The following PPP1R3B variants were observed in gnomAD, a reference collection of about 807,000 sequenced individuals.
PPP1R3B encodes PP1 subunit R4.
In PPP1R3B, 8 loss-of-function variants were observed where a neutral mutation model predicts 14.6. The ratio of observed to expected loss-of-function variants is 0.55; its 90% CI spans 0.32 to 0.99. PPP1R3B has a LOEUF of 0.99. Ranked by LOEUF, PPP1R3B falls within the 50% of genes least tolerant of loss-of-function variation. PPP1R3B has a pLI of 0.04. For synonymous variants in PPP1R3B, 169 were observed against 142.0 expected, an observed-to-expected ratio of 1.19 and a Z score of -1.35; for missense variants, 452 against 360.1, an observed-to-expected ratio of 1.26 and a Z score of -2.07.
In PPP1R3B at chr8:9,137,626, CTGTT is replaced by C. The variant is rs1378523961; in HGVS notation, c.*3164_*3167del. On this transcript the variant is annotated 3_prime_UTR_variant, in exon 2 of 2. Coordinates refer to ENST00000310455, the MANE Select transcript of PPP1R3B (RefSeq NM_024607.4). ...CAGAACTGGGCCAAAAGGAAGAAGA[CTGTT>C]TGCGGCAGGAGGGTAGCAGAGGAGC... is the stretch of plus-strand genomic sequence containing the variant. 1 of 152,466 alleles carries C rather than the reference CTGTT, an allele frequency of 6.6e-6. No homozygotes were observed. Among genetic ancestry groups the C allele is most frequent in the African/African-American group, 2.4e-5 (1 of 41,474 alleles). The allele number at this position is 152,466 out of a possible 1,614,324, so 9.4% of individuals were successfully genotyped here.
upstream of PPP1R3B, among the ~76,000 whole-genome samples, chr8:9,150,945 C>G (rs1008705362): frequency 7.2e-5 from 11 of 152,218 alleles, no homozygotes; most frequent in Admixed American, 5.2e-4. Context: ...GCGGCTTGTC[C>G]TTAAGCTCCA....
At chr8:9,151,429 ACGG>A (rs1563131264), upstream of PPP1R3B, 1 of 162,836 alleles carries the variant, frequency 6.1e-6, no homozygotes, top group Non-Finnish European at 1.3e-5. Flanking sequence ...AGCTGCCGTG[ACGG>A]CAGGAGCTGG....
In PPP1R3B at chr8:9,141,616, G is replaced by A. The variant is rs949576337; in HGVS notation, c.36C>T (p.Cys12=). ...TCTCTTGGCGCAAGGAAGGAGCCAT[G>A]CAGTTGTATCTGTACTCGATGTCCA... ...MAVDIEYRYN[C]MAPSLRQERF... The change falls in exon 2 of 2, where the codon TGC becomes TGT. Residue 12 remains cysteine (C), a synonymous_variant. Transcript: ENST00000310455. 10 of 1,613,852 alleles carry A rather than the reference G, an allele frequency of 6.2e-6. No individual in the cohort carries two copies. Among genetic ancestry groups the A allele is most frequent in the Non-Finnish European group, 8.5e-6 (10 of 1,180,030 alleles).
chr8:9,151,061 C>T (rs1801414747), upstream of PPP1R3B, among the ~76,000 whole-genome samples: 1 of 152,164 alleles, frequency 6.6e-6, no homozygotes, highest in Admixed American at 6.5e-5. Flanking sequence ...AGGGATCAGC[C>T]GCCGCAGCCG....
chr8:9,148,829 T>C (rs568336219), intron 1 of PPP1R3B, among the ~76,000 whole-genome samples: 1 of 152,306 alleles, frequency 6.6e-6, no homozygotes, highest in South Asian at 2.1e-4. Flanking sequence ...AAATCTTTTT[T>C]GTATCAGGGC....
chr8:9,140,419 G>A lies in PPP1R3B; in HGVS notation c.*375C>T. On this transcript the variant is annotated 3_prime_UTR_variant, in exon 2 of 2. Coordinates refer to ENST00000310455, the MANE Select transcript of PPP1R3B (RefSeq NM_024607.4). The stretch of plus-strand genomic sequence containing the variant: ...GGTCTCACGCGAGGTGGCTGGGGCT[G>A]AGTGGCTTTTGGCGACTGATGTCCC... The A allele has an allele frequency of 3.9e-6, 1 of 256,264 alleles. No homozygotes were observed. Among genetic ancestry groups the A allele is most frequent in the South Asian group, 6.2e-5 (1 of 16,048 alleles). The allele number at this position is 256,264 out of a possible 1,614,324, so 15.9% of individuals were successfully genotyped here. A position where few individuals can be genotyped will look rare whatever the true frequency, so the allele number is the denominator to read the frequency against.
chr8:9,138,245 T>A lies in PPP1R3B; in HGVS notation c.*2549A>T, dbSNP rs330910. On this transcript the variant is annotated 3_prime_UTR_variant, in exon 2 of 2. Coordinates refer to ENST00000310455, the MANE Select transcript of PPP1R3B (RefSeq NM_024607.4). ...TTTATAACATTTAAAGTACTGTCTG[T>A]TACCCGATGTCTGGTATGTTTACAT... The A allele has an allele frequency of 0.34, 51,469 of 152,060 alleles. 9,498 individuals carry two copies. The highest frequency in any genetic ancestry group is 0.76 in the East Asian group (3,893 of 5,156). The allele number at this position is 152,060 out of a possible 1,614,324, so 9.4% of individuals were successfully genotyped here.
intron 1 of PPP1R3B, among the ~76,000 whole-genome samples, chr8:9,148,408 G>A (rs545877816): frequency 1.3e-5 from 2 of 152,296 alleles, no homozygotes; most frequent in Middle Eastern, 3.4e-3. Flanking sequence ...AGAACCAGAA[G>A]TTATGGACAT....
In PPP1R3B at chr8:9,136,415, C is replaced by T. The variant is rs754724171; in HGVS notation, c.*4379G>A. The T allele has an allele frequency of 7.9e-5, 12 of 152,182 alleles. No individual in the cohort carries two copies. Among genetic ancestry groups the T allele is most frequent in the Non-Finnish European group, 1.5e-4 (10 of 68,032 alleles). 9.4% of individuals were successfully genotyped at this position (152,182 alleles called of 1,614,324 possible). On this transcript the variant is annotated 3_prime_UTR_variant, in exon 2 of 2. Transcript: ENST00000310455. ...TTTAAAACATGCAAAAATTTCTTGACAAGGCACTTTTAGGTATAAAATGAA... is the reference window on the plus strand; with the variant it reads ...TTTAAAACATGCAAAAATTTCTTGATAAGGCACTTTTAGGTATAAAATGAA...
At chr8:9,146,610 C>A (rs917219929) in intron 1 of PPP1R3B, among the ~76,000 whole-genome samples, 1 of 152,190 alleles carries the variant, frequency 6.6e-6, no homozygotes, top group Non-Finnish European at 1.5e-5. Flanking sequence ...CAGAGAAATA[C>A]ACATATTCGG....
chr8:9,147,453 C>T (rs1181306196), intron 1 of PPP1R3B, among the ~76,000 whole-genome samples: 1 of 152,144 alleles, frequency 6.6e-6, no homozygotes, highest in Non-Finnish European at 1.5e-5. Context: ...CACAGGTTAT[C>T]TGCAAGTTCT....
At chr8:9,145,756 T>C (rs891862307) in intron 1 of PPP1R3B, among the ~76,000 whole-genome samples, 2 of 152,254 alleles carry the variant, frequency 1.3e-5, no homozygotes, top group African/African-American at 4.8e-5. Context: ...GTTTGTATTA[T>C]ATCTTCTAAA....
At position 9,139,252 on chromosome 8, in the gene PPP1R3B, G is replaced by C. The variant is rs1800990187; in HGVS notation, c.*1542C>G. 1 of 152,136 alleles carries C rather than the reference G, an allele frequency of 6.6e-6. No individual in the cohort carries two copies. Among genetic ancestry groups the C allele is most frequent in the African/African-American group, 2.4e-5 (1 of 41,422 alleles). 9.4% of individuals were successfully genotyped at this position (152,136 alleles called of 1,614,324 possible). On this transcript the variant is annotated 3_prime_UTR_variant, in exon 2 of 2. Transcript: ENST00000310455. ...TCTTTTACAACAGCACTAACCAACA[G>C]ACTTTAGTCCAATATGGTTAAGAAC...
At position 9,141,646 on chromosome 8, in the gene PPP1R3B, C is replaced by T. The variant is rs1173181186; in HGVS notation, c.6G>A (p.Met2Ile). Residue 2 changes from methionine to isoleucine, a missense_variant, in exon 2 of 2, where the codon ATG (methionine) becomes ATA (isoleucine). Transcript: ENST00000310455. Reference protein sequence around the residue: MMAVDIEYRYNC... With the variant: MIAVDIEYRYNC... ...TGTATCTGTACTCGATGTCCACAGCCATCATGGGGCTAGATGAACAGGCTA... is the reference window on the plus strand; with the variant it reads ...TGTATCTGTACTCGATGTCCACAGCTATCATGGGGCTAGATGAACAGGCTA... 4 of 1,612,898 alleles carry T rather than the reference C, an allele frequency of 2.5e-6. No homozygotes were observed. The highest frequency in any genetic ancestry group is 2.7e-5 in the African/African-American group (2 of 74,864).
Position 9,145,328 on chromosome 8 carries a change from C to T in PPP1R3B, c.-17-3660G>A, listed in dbSNP as rs144298900. On this transcript the variant is annotated intron_variant, in intron 1 of 1. Coordinates refer to ENST00000310455, the MANE Select transcript of PPP1R3B (RefSeq NM_024607.4). Reference sequence around the variant, plus strand: ...CCAACCCCTTCTCCTCCTCTTCCTCCTCCTCAGCCTACTCAACGTGAAGAG... The same window carrying T: ...CCAACCCCTTCTCCTCCTCTTCCTCTTCCTCAGCCTACTCAACGTGAAGAG... 4.9e-3 allele frequency: 754 copies of T among 152,510 alleles called. 4 individuals are homozygous for T. Among genetic ancestry groups the T allele is most frequent in the Non-Finnish European group, 7.3e-3 (498 of 68,170 alleles). The allele number at this position is 152,510 out of a possible 1,614,324, so 9.4% of individuals were successfully genotyped here.
intron 1 of PPP1R3B, among the ~76,000 whole-genome samples, chr8:9,149,314 C>A (rs1257330420): frequency 6.6e-6 from 1 of 150,560 alleles, no homozygotes; most frequent in Non-Finnish European, 1.5e-5. Context: ...TCCTGGCTAA[C>A]ACGGTGAAAC....
upstream of PPP1R3B, among the ~76,000 whole-genome samples, chr8:9,151,063 C>T (rs1801414924): frequency 6.6e-6 from 1 of 152,176 alleles, no homozygotes; most frequent in Non-Finnish European, 1.5e-5. Flanking sequence ...GGATCAGCCG[C>T]CGCAGCCGCA....
In PPP1R3B at chr8:9,138,688, C is replaced by T. The variant is rs186755985; in HGVS notation, c.*2106G>A. The T allele has an allele frequency of 1.3e-5, 2 of 152,302 alleles. No homozygotes were observed. Among genetic ancestry groups the T allele is most frequent in the Admixed American group, 6.5e-5 (1 of 15,306 alleles). The allele number at this position is 152,302 out of a possible 1,614,324, so 9.4% of individuals were successfully genotyped here. A position where few individuals can be genotyped will look rare whatever the true frequency, so the allele number is the denominator to read the frequency against. On this transcript the variant is annotated 3_prime_UTR_variant, in exon 2 of 2. Coordinates refer to ENST00000310455, the MANE Select transcript of PPP1R3B (RefSeq NM_024607.4). ...CTGCCTCCAAATCCAGGCAACTGTGCTTCCACTCCTCTTCTTGCTTGCCTT... is the reference window on the plus strand; with the variant it reads ...CTGCCTCCAAATCCAGGCAACTGTGTTTCCACTCCTCTTCTTGCTTGCCTT...
Position 9,136,375 on chromosome 8 carries a change from C to G in PPP1R3B, c.*4419G>C, listed in dbSNP as rs1194298363. 1.3e-5 allele frequency: 2 copies of G among 152,124 alleles called. No individual in the cohort carries two copies. The highest frequency in any genetic ancestry group is 4.8e-5 in the African/African-American group (2 of 41,426). The allele number at this position is 152,124 out of a possible 1,614,324, so 9.4% of individuals were successfully genotyped here. ...TGCATTTCCCCTTGAACTCTGTGTA[C>G]AAAAATATTTATCTTTTAAAACATG... On this transcript the variant is annotated 3_prime_UTR_variant, in exon 2 of 2. Transcript: ENST00000310455.
Sources: gnomAD v4.1 joint callset for allele counts (sites outside exome capture counted in the v4.1 genomes callset) on GRCh38, gnomAD v4.1.1 for gene constraint, MANE v1.5 for transcripts, NCBI Gene and HGNC (gene_info 2026-07-23, HGNC 2026-07-21) for gene names.